The following CACNA2D3 variants were observed in gnomAD, a reference collection of about 807,000 sequenced individuals.
The protein encoded by CACNA2D3 is voltage-dependent calcium channel subunit alpha-2/delta-3.
CACNA2D3 carries 60 observed loss-of-function variants against 160.6 expected under a neutral mutation model. The ratio of observed to expected loss-of-function variants is 0.37; its 90% CI spans 0.30 to 0.46. CACNA2D3 has a LOEUF of 0.46. Ranked by LOEUF, CACNA2D3 falls within the 20% of genes least tolerant of loss-of-function variation. The pLI is 1.00. For synonymous variants in CACNA2D3, 558 were observed against 492.9 expected, an observed-to-expected ratio of 1.13 and a Z score of -1.75; for missense variants, 1,205 against 1,365.0, an observed-to-expected ratio of 0.88 and a Z score of 1.85.
intron 11 of CACNA2D3, 132 bp from the exon 12 acceptor site, chr3:54,752,467 T>C (rs926148613): frequency 1.5e-6 from 1 of 654,112 alleles, no homozygotes; most frequent in Admixed American, 2.3e-5. Flanking sequence ...TCAGATGTCT[T>C]AAATATGTTC....
At chr3:54,204,796 G>GGAAAAA (rs1559881510) in intron 2 of CACNA2D3, among the ~76,000 whole-genome samples, 1 of 74,058 alleles carries the variant, frequency 1.4e-5, no homozygotes, top group Non-Finnish European at 3.0e-5. Flanking sequence ...ATGCTGTCTT[G>GGAAAAA]AAAAAAAAAA....
At chr3:54,342,455 A>T (rs147105066) in intron 3 of CACNA2D3, among the ~76,000 whole-genome samples, 12 of 152,196 alleles carry the variant, frequency 7.9e-5, no homozygotes, top group African/African-American at 2.6e-4. Flanking sequence ...GTGCATGGAG[A>T]GGGCATGTGC....
At chr3:54,812,758 G>C (rs1420921118) in intron 13 of CACNA2D3, among the ~76,000 whole-genome samples, 1 of 152,194 alleles carries the variant, frequency 6.6e-6, no homozygotes, top group Admixed American at 6.5e-5. Context: ...GGTCCACACA[G>C]AGCCTTGTCC....
intron 12 of CACNA2D3, among the ~76,000 whole-genome samples, chr3:54,762,218 T>G (rs116600540): frequency 6.6e-6 from 1 of 152,164 alleles, no homozygotes; most frequent in Non-Finnish European, 1.5e-5. Context: ...TATGTCATCT[T>G]AACTCTACCC....
intron 3 of CACNA2D3, among the ~76,000 whole-genome samples, chr3:54,366,699 T>C (rs183630556): frequency 1.3e-5 from 2 of 152,224 alleles, no homozygotes; most frequent in Non-Finnish European, 2.9e-5. Context: ...GCATTTCACT[T>C]TGGAAATCAC....
In CACNA2D3 at chr3:54,502,569, AT is replaced by A. The variant is rs1449964949; in HGVS notation, c.382-919del. 2.6e-5 allele frequency among the ~76,000 whole-genome samples: 4 copies of A among 152,270 alleles called. No homozygotes were observed. In the East Asian group the frequency reaches 7.7e-4, roughly 29 times the overall value. ...CCTCTAGAGCATATTAATTGTAGTT[AT>A]TTTAAGGTTCTGCTCTGTTAATTCC... is the stretch of plus-strand genomic sequence containing the variant. On this transcript the variant is annotated intron_variant, in intron 4 of 37. Coordinates refer to ENST00000474759, the MANE Select transcript of CACNA2D3 (RefSeq NM_018398.3).
chr3:54,898,142 T>TC (rs1382881246), intron 26 of CACNA2D3, among the ~76,000 whole-genome samples: 1 of 87,148 alleles, frequency 1.1e-5, no homozygotes, highest in African/African-American at 5.2e-5. Context: ...TTTTTCTTTT[T>TC]TCTTTCTTTC....
intron 4 of CACNA2D3, among the ~76,000 whole-genome samples, chr3:54,501,658 A>G (rs572086382): frequency 2.0e-5 from 3 of 151,624 alleles, no homozygotes; most frequent in Non-Finnish European, 4.4e-5. Flanking sequence ...GGGCTCAAGC[A>G]ATCCTCCTGC....
chr3:54,146,532 C>T (rs1196948335), intron 2 of CACNA2D3, among the ~76,000 whole-genome samples: 2 of 152,220 alleles, frequency 1.3e-5, no homozygotes, highest in African/African-American at 4.8e-5. Context: ...CAGTCTCTCA[C>T]TCTTCCTCTG....
intron 2 of CACNA2D3, among the ~76,000 whole-genome samples, chr3:54,259,692 A>G (rs1390216471): frequency 1.3e-5 from 2 of 152,232 alleles, no homozygotes; most frequent in African/African-American, 4.8e-5. Context: ...AGTAACTTTT[A>G]TGATGACAGC....
intron 2 of CACNA2D3, among the ~76,000 whole-genome samples, chr3:54,199,650 C>A (rs543863721): frequency 1.3e-5 from 2 of 152,100 alleles, no homozygotes; most frequent in African/African-American, 4.8e-5. Context: ...CATCCTAGAG[C>A]CTTTGCTCTT....
intron 13 of CACNA2D3, among the ~76,000 whole-genome samples, chr3:54,802,910 G>A (rs556817413): frequency 7.9e-5 from 12 of 152,308 alleles, no homozygotes; most frequent in Non-Finnish European, 1.5e-4. Context: ...ACGAAAGTCC[G>A]CTGTTCTGCA....
At chr3:54,546,153 G>A (rs1055275033) in intron 5 of CACNA2D3, among the ~76,000 whole-genome samples, 1 of 152,170 alleles carries the variant, frequency 6.6e-6, no homozygotes, top group Non-Finnish European at 1.5e-5. Flanking sequence ...TCGGGGGAAG[G>A]GCCTGGATGT....
intron 4 of CACNA2D3, among the ~76,000 whole-genome samples, chr3:54,444,303 T>C (rs539417750): frequency 6.6e-6 from 1 of 152,308 alleles, no homozygotes; most frequent in African/African-American, 2.4e-5. Context: ...TAATGAGCAA[T>C]TCCTGCTTAC....
chr3:54,224,555 A>G (rs1175581774), intron 2 of CACNA2D3, among the ~76,000 whole-genome samples: 1 of 152,152 alleles, frequency 6.6e-6, no homozygotes, highest in East Asian at 1.9e-4. Context: ...TTATAATCTT[A>G]TGAGACCACC....
intron 35 of CACNA2D3, among the ~76,000 whole-genome samples, chr3:55,039,157 A>G (rs959409651): frequency 6.6e-6 from 1 of 151,942 alleles, no homozygotes; most frequent in Non-Finnish European, 1.5e-5. Context: ...GCCATAGAAA[A>G]ACCTAAAAGA....
chr3:54,976,336 TG>T (rs926084183), intron 29 of CACNA2D3, among the ~76,000 whole-genome samples: 1 of 40,118 alleles, frequency 2.5e-5, no homozygotes, highest in Admixed American at 3.2e-4. Context: ...TGTTGTGGGG[TG>T]GGGGGAGGGG....
intron 2 of CACNA2D3, among the ~76,000 whole-genome samples, chr3:54,293,724 A>G (rs1703265020): frequency 1.3e-5 from 2 of 152,166 alleles, no homozygotes; most frequent in Non-Finnish European, 2.9e-5. Context: ...ATTTTTATTT[A>G]TATGACATTC....
chr3:54,720,741 C>G (rs1701153434), intron 11 of CACNA2D3, among the ~76,000 whole-genome samples: 1 of 152,064 alleles, frequency 6.6e-6, no homozygotes, highest in Non-Finnish European at 1.5e-5. Context: ...AACATTTCAG[C>G]TTTTTGGTGT....
Sources: gnomAD v4.1 joint callset for allele counts (sites outside exome capture counted in the v4.1 genomes callset) on GRCh38, gnomAD v4.1.1 for gene constraint, MANE v1.5 for transcripts, NCBI Gene and HGNC (gene_info 2026-07-23, HGNC 2026-07-21) for gene names.